ITSN1: variants seen among roughly 807,000 people sequenced by gnomAD.
The protein encoded by ITSN1 is intersectin 1.
Under a neutral mutation model 239.8 loss-of-function variants are expected in ITSN1, and 58 were observed. The ratio of observed to expected loss-of-function variants is 0.24; its 90% CI spans 0.20 to 0.30. ITSN1 has a LOEUF of 0.30. Among genes scored for constraint, ITSN1 ranks in the 10% least tolerant of loss-of-function variants. ITSN1 has a pLI of 1.00. For missense variants in ITSN1, 1,558 were observed against 2,103.3 expected (o/e 0.74, Z 5.07); for synonymous variants, 780 against 770.8 (o/e 1.01, Z -0.20).
intron 5 of ITSN1, among the ~76,000 whole-genome samples, chr21:33,739,213 CT>C (rs1028161116): frequency 5.9e-5 from 9 of 152,188 alleles, no homozygotes; most frequent in African/African-American, 2.2e-4. Context: ...TGCAGTGATA[CT>C]GTGACTTGCC....
chr21:33,821,624 C>T (rs2073682258), intron 24 of ITSN1, among the ~76,000 whole-genome samples: 1 of 152,188 alleles, frequency 6.6e-6, no homozygotes, highest in African/African-American at 2.4e-5. Context: ...TAAAGCCACT[C>T]TCAGATGTCT....
intron 1 of ITSN1, among the ~76,000 whole-genome samples, chr21:33,656,822 T>G (rs1022261338): frequency 2.2e-4 from 34 of 152,320 alleles, no homozygotes; most frequent in African/African-American, 8.2e-4. Context: ...GCAATTCTCC[T>G]GCCTCAGCTT....
intron 17 of ITSN1, among the ~76,000 whole-genome samples, chr21:33,795,478 G>T (rs2071472435): frequency 6.6e-6 from 1 of 152,132 alleles, no homozygotes; most frequent in South Asian, 2.1e-4. Flanking sequence ...CGAAGAAACG[G>T]ATACTTGAGG....
chr21:33,774,646 C>A, intron 12 of ITSN1, 83 bp from the exon 13 acceptor site: 1 of 1,325,898 alleles, frequency 7.5e-7, no homozygotes. Flanking sequence ...AAAGGAAAGA[C>A]TTCCTAGATG....
At chr21:33,876,153 C>CTTTCTTTTTCTT (rs752690648) in intron 34 of ITSN1, among the ~76,000 whole-genome samples, 8 of 124,654 alleles carry the variant, frequency 6.4e-5, no homozygotes, top group Admixed American at 4.4e-4. Context: ...TTCTTTCTTT[C>CTTTCTTTTTCTT]TCTCTCTCCC....
At chr21:33,886,744 GT>G (rs1373416925) in intron 39 of ITSN1, among the ~76,000 whole-genome samples, 1 of 152,162 alleles carries the variant, frequency 6.6e-6, no homozygotes, top group Non-Finnish European at 1.5e-5. Flanking sequence ...AGAGGGGTGT[GT>G]TTAAGAGCCT....
chr21:33,740,174 G>A (rs542798014), intron 5 of ITSN1, among the ~76,000 whole-genome samples: 1 of 152,288 alleles, frequency 6.6e-6, no homozygotes, highest in African/African-American at 2.4e-5. Flanking sequence ...AAGAGTTTTG[G>A]TGATTTTGAG....
intron 4 of ITSN1, 36 bp downstream of exon 4, chr21:33,722,687 A>T: frequency 6.6e-7 from 1 of 1,524,312 alleles, no homozygotes; most frequent in Non-Finnish European, 8.8e-7. Flanking sequence ...TTACATAAGC[A>T]TAAGGCAAAA....
At chr21:33,696,488 GTTAC>G (rs1420355716) in intron 1 of ITSN1, among the ~76,000 whole-genome samples, 1 of 152,168 alleles carries the variant, frequency 6.6e-6, no homozygotes, top group Non-Finnish European at 1.5e-5. Context: ...TGGATTCTCA[GTTAC>G]TTACTCGTTA....
chr21:33,858,811 C>T lies in ITSN1; in HGVS notation c.3890+19C>T. 1 of 1,528,120 alleles carries T rather than the reference C, an allele frequency of 6.5e-7. No individual in the cohort carries two copies. The highest frequency in any genetic ancestry group is 1.4e-5 in the African/African-American group (1 of 73,286). The allele number at this position is 1,528,120 out of a possible 1,614,324, so 94.7% of individuals were successfully genotyped here. ...TACTAAAGTAAGCCTCTCCTCTAATCCCCAGCCTGGCTTGGCCTCCTCGGC... is the reference window on the plus strand; with the variant it reads ...TACTAAAGTAAGCCTCTCCTCTAATTCCCAGCCTGGCTTGGCCTCCTCGGC... On this transcript the variant is annotated intron_variant, in intron 31 of 39. Transcript: ENST00000381318.
intron 29 of ITSN1, among the ~76,000 whole-genome samples, chr21:33,854,736 C>T (rs1323273119): frequency 6.6e-6 from 1 of 152,222 alleles, no homozygotes; most frequent in East Asian, 1.9e-4. Flanking sequence ...AACAGTTGGG[C>T]CAAACCCGTG....
At chr21:33,668,489 T>TG (rs1412155868) in intron 1 of ITSN1, among the ~76,000 whole-genome samples, 6 of 152,206 alleles carry the variant, frequency 3.9e-5, no homozygotes, top group Non-Finnish European at 5.9e-5. Flanking sequence ...ACTTCCCTTT[T>TG]GCTCTTCTTA....
In ITSN1 at chr21:33,864,154, G is replaced by C. The variant is rs145537546; in HGVS notation, c.3891-997G>C. The stretch of plus-strand genomic sequence containing the variant: ...CAATAGCCCGCCCCGTACCTCAAAG[G>C]CTTCTCCAACATGACCATGAAAGCA... On this transcript the variant is annotated intron_variant, in intron 31 of 39. Coordinates refer to ENST00000381318, the MANE Select transcript of ITSN1 (RefSeq NM_003024.3). Among the ~76,000 whole-genome samples, 78 of 152,262 alleles carry C rather than the reference G, an allele frequency of 5.1e-4. 2 individuals are homozygous for C. The South Asian group carries it at 0.016, about 30-fold the overall frequency.
intron 38 of ITSN1, 140 bp downstream of exon 38, chr21:33,885,662 T>A (rs1985669122): frequency 1.5e-6 from 1 of 657,952 alleles, no homozygotes; most frequent in African/African-American, 1.8e-5. Context: ...TAACTAGCAC[T>A]TGTTAAAAAC....
At chr21:33,885,611 G>A (rs1050569215) in intron 38 of ITSN1, 89 bp downstream of exon 38, 5 of 966,576 alleles carry the variant, frequency 5.2e-6, no homozygotes, top group African/African-American at 3.2e-5. Context: ...TAGATCAAAT[G>A]TGCTATTTCC....
rs150972763 is a variant in ITSN1, at chr21:33,850,808, C to T, written c.3662-5928C>T. Among the ~76,000 whole-genome samples, 7 of 152,316 alleles carry T rather than the reference C, an allele frequency of 4.6e-5. No homozygotes were observed. In the East Asian group the frequency reaches 7.7e-4, roughly 17 times the overall value. ...GCCACCCCACACCTACCAGGAGAGG[C>T]CCAGGGTGTTGAAGGGAGTGCAGTT... On this transcript the variant is annotated intron_variant, in intron 29 of 39. Transcript: ENST00000381318.
intron 25 of ITSN1, among the ~76,000 whole-genome samples, chr21:33,826,297 G>A (rs1277437603): frequency 6.6e-6 from 1 of 152,178 alleles, no homozygotes; most frequent in African/African-American, 2.4e-5. Context: ...ATAGGATGGG[G>A]GAAGAGAGGT....
intron 10 of ITSN1, among the ~76,000 whole-genome samples, chr21:33,766,848 C>T (rs146811182): frequency 1.8e-4 from 28 of 152,280 alleles, no homozygotes; most frequent in African/African-American, 6.0e-4. Flanking sequence ...GATTGGGAGA[C>T]GGTTTAAACA....
rs2074814993 is a variant in ITSN1, at chr21:33,841,302, T to C, written c.3661+4670T>C. On this transcript the variant is annotated intron_variant, in intron 29 of 39. Coordinates refer to ENST00000381318, the MANE Select transcript of ITSN1 (RefSeq NM_003024.3). ...CCTCTAAATATTAGGTTTAACCATATGAAATTGTCAATTCTTACCTATAAA... is the reference window on the plus strand; with the variant it reads ...CCTCTAAATATTAGGTTTAACCATACGAAATTGTCAATTCTTACCTATAAA... Among the ~76,000 whole-genome samples, 3 of 152,352 alleles carry C rather than the reference T, an allele frequency of 2.0e-5. No individual in the cohort carries two copies. In the South Asian group the frequency reaches 6.2e-4, roughly 32 times the overall value.
Sources: allele counts gnomAD v4.1 joint callset (sites outside exome capture counted in the v4.1 genomes callset), GRCh38; gene constraint gnomAD v4.1.1; transcripts MANE v1.5; gene names NCBI Gene and HGNC (gene_info 2026-07-23, HGNC 2026-07-21).